The following SRRM3 variants were observed in gnomAD, a reference collection of about 807,000 sequenced individuals.
SRRM3 encodes the protein serine/arginine repetitive matrix 3.
SRRM3 carries 27 observed loss-of-function variants against 66.2 expected under a neutral mutation model. That is an observed-to-expected ratio of 0.41 (90% CI 0.30 to 0.56). The LOEUF (loss-of-function observed/expected upper bound fraction) is 0.56. Ranked by LOEUF, SRRM3 falls within the 20% of genes least tolerant of loss-of-function variation. The pLI is 0.32. For synonymous variants in SRRM3, 391 were observed against 414.9 expected, an observed-to-expected ratio of 0.94 and a Z score of 0.70; for missense variants, 918 against 991.9, an observed-to-expected ratio of 0.93 and a Z score of 1.00.
intron 11 of SRRM3, among the ~76,000 whole-genome samples, chr7:76,277,526 T>A (rs1802378036): frequency 6.6e-6 from 1 of 151,772 alleles, no homozygotes; most frequent in African/African-American, 2.4e-5. Context: ...AAACCCCGTC[T>A]CTACTAAAAA....
chr7:76,277,795 AG>A (rs1172476774), intron 11 of SRRM3, among the ~76,000 whole-genome samples: 1 of 150,252 alleles, frequency 6.7e-6, no homozygotes, highest in African/African-American at 2.5e-5. Flanking sequence ...TTCAAACTCC[AG>A]AGTTGGAGCC....
intron 2 of SRRM3, among the ~76,000 whole-genome samples, chr7:76,240,766 G>T (rs1801274597): frequency 1.3e-5 from 2 of 152,148 alleles, no homozygotes; most frequent in Non-Finnish European, 2.9e-5. Context: ...CCCATAGAGT[G>T]GCATGAGGAC....
chr7:76,237,858 C>A (rs936585227), intron 2 of SRRM3, among the ~76,000 whole-genome samples: 3 of 151,688 alleles, frequency 2.0e-5, no homozygotes, highest in African/African-American at 4.8e-5. Context: ...TTTCAAGGAA[C>A]CTTCCCTCAC....
intron 11 of SRRM3, among the ~76,000 whole-genome samples, chr7:76,275,107 A>G (rs1583937654): frequency 6.9e-6 from 1 of 145,078 alleles, no homozygotes; most frequent in East Asian, 2.0e-4. Context: ...CTCAGTCTCA[A>G]AAAAAAAAAA....
At position 76,262,399 on chromosome 7, in the gene SRRM3, G is replaced by A. The variant is rs534273540; in HGVS notation, c.674+818G>A. Among the ~76,000 whole-genome samples, 32 of 151,786 alleles carry A rather than the reference G, an allele frequency of 2.1e-4. No individual in the cohort carries two copies. The South Asian group carries it at 6.7e-3, about 32-fold the overall frequency. On this transcript the variant is annotated intron_variant, in intron 8 of 14. Transcript: ENST00000611745. ...CAAGCGCCTGTAATCCCAGCTACTCGAGAGGCTGAGGCAGGAGAATCACTT... is the reference window on the plus strand; with the variant it reads ...CAAGCGCCTGTAATCCCAGCTACTCAAGAGGCTGAGGCAGGAGAATCACTT...
intron 1 of SRRM3, among the ~76,000 whole-genome samples, chr7:76,207,316 C>G (rs896910030): frequency 4.0e-5 from 6 of 150,988 alleles, no homozygotes; most frequent in African/African-American, 1.5e-4. Context: ...GAAGAAAACA[C>G]AGAGAAAGAG....
chr7:76,236,399 T>G (rs1554604922), intron 2 of SRRM3, among the ~76,000 whole-genome samples: 3 of 135,416 alleles, frequency 2.2e-5, no homozygotes, highest in Non-Finnish European at 4.6e-5. Context: ...CCATCAGACT[T>G]GCACTGTCAG....
intron 1 of SRRM3, among the ~76,000 whole-genome samples, chr7:76,224,144 G>T (rs370012038): frequency 8.9e-6 from 1 of 112,376 alleles, no homozygotes; most frequent in Admixed American, 1.1e-4. Flanking sequence ...GCAGTGACAC[G>T]ATCACAGCTC....
intron 1 of SRRM3, among the ~76,000 whole-genome samples, chr7:76,216,193 A>T (rs1356225724): frequency 6.6e-6 from 1 of 151,704 alleles, no homozygotes; most frequent in Non-Finnish European, 1.5e-5. Context: ...ACCTCAGGTG[A>T]TCCCCCAGCC....
At chr7:76,203,809 C>A (rs550860687) in intron 1 of SRRM3, among the ~76,000 whole-genome samples, 2 of 152,272 alleles carry the variant, frequency 1.3e-5, no homozygotes, top group East Asian at 3.9e-4. Context: ...ATGACCTGTC[C>A]CATCCTCTGA....
intron 1 of SRRM3, among the ~76,000 whole-genome samples, chr7:76,204,909 C>CA (rs1800257591): frequency 6.6e-6 from 1 of 152,102 alleles, no homozygotes. Context: ...CCCATCTCTA[C>CA]AAAAAATTAT....
chr7:76,248,466 G>A (rs1302627463), intron 3 of SRRM3, among the ~76,000 whole-genome samples, 177 bp downstream of exon 3: 1 of 152,082 alleles, frequency 6.6e-6, no homozygotes, highest in Non-Finnish European at 1.5e-5. Flanking sequence ...GGAAATGCTG[G>A]CCTGGCCCAC....
At chr7:76,270,459 T>C (rs1379588065) in intron 11 of SRRM3, among the ~76,000 whole-genome samples, 4 of 152,044 alleles carry the variant, frequency 2.6e-5, no homozygotes, top group African/African-American at 9.7e-5. Flanking sequence ...GCGGATCACC[T>C]GAGGTCAGGA....
intron 8 of SRRM3, among the ~76,000 whole-genome samples, chr7:76,262,286 G>A (rs535037318): frequency 2.0e-5 from 3 of 151,674 alleles, no homozygotes; most frequent in African/African-American, 7.3e-5. Flanking sequence ...CAGGTGGATC[G>A]CTTGAGGCCA....
chr7:76,267,354 G>A lies in SRRM3; in HGVS notation c.927G>A (p.Gly309=). The change falls in exon 11 of 15, where the codon GGG becomes GGA. Residue 309 remains glycine (G), a synonymous_variant. Coordinates refer to ENST00000611745, the MANE Select transcript of SRRM3 (RefSeq NM_001110199.3). ...CCCCGTCGGGCGGCAGCGGATGGGG[G>A]TCGCCCCAGCGGAACGGCGGCAGCG... ...SPSPSGGSGW[G]SPQRNGGSGQ... The A allele has an allele frequency of 1.3e-6, 2 of 1,506,028 alleles. No individual in the cohort carries two copies. The highest frequency in any genetic ancestry group is 1.3e-5 in the South Asian group (1 of 79,250). The allele number at this position is 1,506,028 out of a possible 1,614,324, so 93.3% of individuals were successfully genotyped here. A position where few individuals can be genotyped will look rare whatever the true frequency, so the allele number is the denominator to read the frequency against.
intron 1 of SRRM3, among the ~76,000 whole-genome samples, chr7:76,203,125 G>C (rs1480514337): frequency 6.6e-6 from 1 of 152,194 alleles, no homozygotes; most frequent in African/African-American, 2.4e-5. Context: ...GTTTGTGCCA[G>C]CTTCTTCCTC....
At chr7:76,230,336 G>C (rs1800983532) in intron 1 of SRRM3, among the ~76,000 whole-genome samples, 1 of 152,080 alleles carries the variant, frequency 6.6e-6, no homozygotes. Flanking sequence ...GCACCCACCA[G>C]GACAGTGTCA....
At chr7:76,277,554 G>C (rs1188709713) in intron 11 of SRRM3, among the ~76,000 whole-genome samples, 2 of 151,954 alleles carry the variant, frequency 1.3e-5, no homozygotes, top group Non-Finnish European at 2.9e-5. Flanking sequence ...AAATTAGCTT[G>C]ACATGGTGGC....
chr7:76,204,664 C>G (rs1347992057), intron 1 of SRRM3, among the ~76,000 whole-genome samples: 1 of 152,174 alleles, frequency 6.6e-6, no homozygotes, highest in East Asian at 1.9e-4. Flanking sequence ...CTGAAGGACT[C>G]TTGAACATGA....
Sources: gnomAD v4.1 joint callset for allele counts (sites outside exome capture counted in the v4.1 genomes callset) on GRCh38, gnomAD v4.1.1 for gene constraint, MANE v1.5 for transcripts, NCBI Gene and HGNC (gene_info 2026-07-23, HGNC 2026-07-21) for gene names.